NDUFA5: variants seen among roughly 807,000 people sequenced by gnomAD.
NDUFA5 encodes NADH:ubiquinone oxidoreductase subunit A5.
In NDUFA5, 11 loss-of-function variants were observed where a neutral mutation model predicts 19.8. The observed-to-expected ratio is 0.56, with a 90% CI of 0.35 to 0.92. The LOEUF is 0.92. Among genes scored for constraint, NDUFA5 ranks in the 40% least tolerant of loss-of-function variants. NDUFA5 has a pLI of 0.01. For synonymous variants in NDUFA5, 47 were observed against 46.8 expected (o/e 1.00, Z -0.01); for missense variants, 109 against 134.2 (o/e 0.81, Z 0.93).
chr7:123,545,382 A>T (rs897951799), intron 4 of NDUFA5, among the ~76,000 whole-genome samples: 2 of 152,144 alleles, frequency 1.3e-5, no homozygotes, highest in Non-Finnish European at 2.9e-5. Flanking sequence ...AAATTAAAAG[A>T]GTGTCAAACT....
At chr7:123,559,856 A>AC (rs908899904), upstream of NDUFA5, among the ~76,000 whole-genome samples, 3 of 141,110 alleles carry the variant, frequency 2.1e-5, no homozygotes, top group African/African-American at 8.3e-5. Context: ...ATTCCGTCTC[A>AC]CAAAAAAAAA....
At chr7:123,568,635 A>G in the NDUFA5 span, among the ~76,000 whole-genome samples, 3 of 152,164 alleles carry the variant, frequency 2.0e-5, no homozygotes, top group Non-Finnish European at 4.4e-5. Context: ...CTGTATGGGA[A>G]ATGTTGCTCC....
the NDUFA5 span, among the ~76,000 whole-genome samples, chr7:123,574,774 T>C: frequency 6.6e-6 from 1 of 152,096 alleles, no homozygotes; most frequent in Non-Finnish European, 1.5e-5. Flanking sequence ...TCTTGAAGAG[T>C]GGATTACTTT....
At chr7:123,552,115 G>T (rs1798363334) in intron 2 of NDUFA5, among the ~76,000 whole-genome samples, 1 of 151,624 alleles carries the variant, frequency 6.6e-6, no homozygotes, top group East Asian at 1.9e-4. Context: ...ATCACTCCAG[G>T]AGTAAGTCTC....
intron 2 of NDUFA5, among the ~76,000 whole-genome samples, chr7:123,553,450 C>T (rs911624306): frequency 4.1e-4 from 62 of 152,208 alleles, no homozygotes; most frequent in African/African-American, 1.5e-3. Context: ...TTACCTCCCA[C>T]CAGGTTCCTC....
the NDUFA5 span, among the ~76,000 whole-genome samples, chr7:123,570,959 A>T: frequency 6.6e-6 from 1 of 152,202 alleles, no homozygotes; most frequent in East Asian, 1.9e-4. Context: ...CTCTGGAACT[A>T]TGCCAATATT....
At chr7:123,550,655 T>G in intron 2 of NDUFA5, 69 bp from the exon 3 acceptor site, 1 of 839,936 alleles carries the variant, frequency 1.2e-6, no homozygotes, top group Non-Finnish European at 1.9e-6. Flanking sequence ...AACACTTGTC[T>G]CAAAGACAAA....
chr7:123,557,875 C>G, upstream of NDUFA5: 1 of 1,610,848 alleles, frequency 6.2e-7, no homozygotes, highest in South Asian at 1.1e-5. Context: ...GAGGTCGCCA[C>G]TCTGTCACCC....
At chr7:123,593,008 C>A in the NDUFA5 span, among the ~76,000 whole-genome samples, 1 of 151,600 alleles carries the variant, frequency 6.6e-6, no homozygotes, top group Non-Finnish European at 1.5e-5. Flanking sequence ...TGAATTGATC[C>A]CTTTACCATT....
At chr7:123,584,453 G>A in the NDUFA5 span, among the ~76,000 whole-genome samples, 1 of 151,794 alleles carries the variant, frequency 6.6e-6, no homozygotes, top group Non-Finnish European at 1.5e-5. Flanking sequence ...TCAAACCTAA[G>A]AACAACTGCT....
intron 4 of NDUFA5, among the ~76,000 whole-genome samples, chr7:123,544,176 G>A (rs149955974): frequency 6.8e-4 from 103 of 152,172 alleles, no homozygotes; most frequent in African/African-American, 2.3e-3. Context: ...AGGGTTGTAG[G>A]GGTGTGGAAC....
the NDUFA5 span, among the ~76,000 whole-genome samples, chr7:123,563,531 C>G: frequency 8.5e-4 from 130 of 152,202 alleles, no homozygotes; most frequent in African/African-American, 3.1e-3. Flanking sequence ...AATTACAGAT[C>G]ACCATAATAG....
the NDUFA5 span, among the ~76,000 whole-genome samples, chr7:123,568,856 T>C: frequency 1.3e-5 from 2 of 152,096 alleles, no homozygotes; most frequent in South Asian, 2.1e-4. Flanking sequence ...AAATTAAGTA[T>C]AAAAAGTTGA....
chr7:123,565,889 C>T, the NDUFA5 span, among the ~76,000 whole-genome samples: 3 of 151,958 alleles, frequency 2.0e-5, no homozygotes, highest in African/African-American at 7.3e-5. Context: ...CGTGGTGGCA[C>T]GCACCTGTAG....
chr7:123,566,491 C>T, the NDUFA5 span, among the ~76,000 whole-genome samples: 3 of 152,156 alleles, frequency 2.0e-5, no homozygotes, highest in Admixed American at 2.0e-4. Context: ...ATAGCTGCCC[C>T]TAGAAACATG....
At chr7:123,567,505 C>G in the NDUFA5 span, among the ~76,000 whole-genome samples, 1 of 152,168 alleles carries the variant, frequency 6.6e-6, no homozygotes, top group African/African-American at 2.4e-5. Flanking sequence ...GTTAGGACTT[C>G]CTACGCTGCT....
chr7:123,553,631 GATATTATA>G (rs1388265391), intron 2 of NDUFA5, among the ~76,000 whole-genome samples: 1 of 152,148 alleles, frequency 6.6e-6, no homozygotes, highest in African/African-American at 2.4e-5. Flanking sequence ...AGAGCAAAGA[GATATTATA>G]ATACTTAGCA....
chr7:123,545,735 CTA>C (rs3837115), intron 3 of NDUFA5, 59 bp from the exon 4 acceptor site: 282,583 of 1,060,656 alleles, frequency 0.27, 40,806 homozygotes, highest in African/African-American at 0.31. Context: ...TTTCAATATC[CTA>C]TATATTTTAA....
chr7:123,568,350 T>TA, the NDUFA5 span, among the ~76,000 whole-genome samples: 1,639 of 142,978 alleles, frequency 0.011, 23 homozygotes, highest in African/African-American at 0.032. Flanking sequence ...CCATCTCTAC[T>TA]AAAAAAAAAA....
Sources: gnomAD v4.1 joint callset for allele counts (sites outside exome capture counted in the v4.1 genomes callset) on GRCh38, gnomAD v4.1.1 for gene constraint, MANE v1.5 for transcripts, NCBI Gene and HGNC (gene_info 2026-07-23, HGNC 2026-07-21) for gene names.